SLC17A6: variants seen among roughly 807,000 people sequenced by gnomAD.
The protein encoded by SLC17A6 is vesicular glutamate transporter 2.
In SLC17A6, 35 loss-of-function variants were observed where a neutral mutation model predicts 67.1. The observed-to-expected ratio is 0.52, with a 90% CI of 0.40 to 0.69. The LOEUF (loss-of-function observed/expected upper bound fraction) is 0.69, where lower values mean the gene tolerates loss of function less well. Ranked by LOEUF, SLC17A6 falls within the 30% of genes least tolerant of loss-of-function variation. The probability of loss-of-function intolerance (pLI) is 0.00; values close to 1 mark genes in which losing one functional copy is unlikely to be tolerated. For missense variants in SLC17A6, 588 were observed against 723.9 expected (o/e 0.81, Z 2.15); for synonymous variants, 285 against 252.3 (o/e 1.13, Z -1.23).
In SLC17A6 at chr11:22,339,176, ATGTTT is replaced by A. The variant is rs1258250620; in HGVS notation, c.86+559_86+563del. 4.1e-4 allele frequency among the ~76,000 whole-genome samples: 23 copies of A among 55,498 alleles called. 1 individual carries two copies. The highest frequency in any genetic ancestry group is 7.2e-4 in the South Asian group (1 of 1,384). The allele number at this position is 55,498 out of a possible 152,430, so 36.4% of individuals were successfully genotyped here. A position where few individuals can be genotyped will look rare whatever the true frequency, so the allele number is the denominator to read the frequency against. ...AGTTATATATATATGTTATATATATATGTTTTATATATATATATATATATATATGT... is the reference window on the plus strand; with the variant it reads ...AGTTATATATATATGTTATATATATATATATATATATATATATATATATGT... On this transcript the variant is annotated intron_variant, in intron 1 of 11. Coordinates refer to ENST00000263160, the MANE Select transcript of SLC17A6 (RefSeq NM_020346.3).
At chr11:22,360,193 G>A (rs1009530778) in intron 4 of SLC17A6, among the ~76,000 whole-genome samples, 1 of 151,846 alleles carries the variant, frequency 6.6e-6, no homozygotes, top group African/African-American at 2.4e-5. Flanking sequence ...AGATGGAGCT[G>A]GAAGCCATTA....
intron 1 of SLC17A6, among the ~76,000 whole-genome samples, chr11:22,340,330 T>G (rs1374566939): frequency 6.6e-6 from 1 of 152,276 alleles, no homozygotes; most frequent in African/African-American, 2.4e-5. Flanking sequence ...TGTTACCTTA[T>G]ACATTCCTTT....
chr11:22,352,610 G>A (rs901505577), intron 3 of SLC17A6, among the ~76,000 whole-genome samples: 5 of 152,210 alleles, frequency 3.3e-5, no homozygotes, highest in African/African-American at 1.2e-4. Flanking sequence ...GTTTAAAGAA[G>A]TGGAGACCTG....
At chr11:22,372,337 G>T (rs1376350697) in intron 8 of SLC17A6, among the ~76,000 whole-genome samples, 1 of 149,900 alleles carries the variant, frequency 6.7e-6, no homozygotes, top group Admixed American at 6.7e-5. Context: ...TATATATCAG[G>T]TAAATACTTT....
intron 6 of SLC17A6, among the ~76,000 whole-genome samples, chr11:22,365,142 C>T (rs889710863): frequency 3.3e-5 from 5 of 152,078 alleles, no homozygotes; most frequent in African/African-American, 4.8e-5. Flanking sequence ...TCTAGGCAGG[C>T]AATAAAGAAA....
rs746378447 is a variant in SLC17A6 at position 22,359,466 on chromosome 11, C to T, written c.512C>T (p.Ser171Leu). Residue 171 changes from serine (S) to leucine (L), a missense_variant, in exon 4 of 12, where the codon TCA (serine) becomes TTA (leucine). This residue lies in a region of SLC17A6 where 414 missense variants were observed against 563.4 expected (regional missense o/e 0.73). Transcript: ENST00000263160. Reference protein sequence around the residue: ...LTSTLNMLIPSAARVHYGCVI... With the variant: ...LTSTLNMLIPLAARVHYGCVI... ...TCTACCCTAAATATGCTAATTCCAT[C>T]AGCAGCCAGAGTGCATTATGGATGT... 1 of 1,604,702 alleles carries T rather than the reference C, an allele frequency of 6.2e-7. No homozygotes were observed. Among genetic ancestry groups the T allele is most frequent in the Non-Finnish European group, 8.5e-7 (1 of 1,175,090 alleles).
chr11:22,344,610 A>G (rs1855855170), intron 3 of SLC17A6, among the ~76,000 whole-genome samples: 1 of 152,186 alleles, frequency 6.6e-6, no homozygotes, highest in African/African-American at 2.4e-5. Flanking sequence ...TACTTGAAAT[A>G]CGGATGGCTG....
Position 22,378,029 on chromosome 11 carries a change from ACT to A in SLC17A6, c.*291_*292del. On this transcript the variant is annotated 3_prime_UTR_variant, in exon 12 of 12. Transcript: ENST00000263160. Reference sequence around the variant, plus strand: ...ACCCATTGGATTCATATGAGCTAAAACTCATCACTATTTACTAAAGCACAACA... The same window carrying A: ...ACCCATTGGATTCATATGAGCTAAAACATCACTATTTACTAAAGCACAACA... The A allele has an allele frequency of 2.4e-6, 1 of 416,698 alleles. No homozygotes were observed. The highest frequency in any genetic ancestry group is 4.2e-6 in the Non-Finnish European group (1 of 236,066). The allele number at this position is 416,698 out of a possible 1,614,324, so 25.8% of individuals were successfully genotyped here.
rs141006869 is a variant in SLC17A6, at chr11:22,378,848, A to C, written c.*1108A>C. ...CATTATATTAAAATGGTCTCTCTCT[A>C]TATATATCTGTATATCTTATACATG... On this transcript the variant is annotated 3_prime_UTR_variant, in exon 12 of 12. Transcript: ENST00000263160. 1.2e-4 allele frequency: 18 copies of C among 152,216 alleles called. No homozygotes were observed. The highest frequency in any genetic ancestry group is 3.9e-4 in the East Asian group (2 of 5,186). 9.4% of individuals were successfully genotyped at this position (152,216 alleles called of 1,614,324 possible). A position where few individuals can be genotyped will look rare whatever the true frequency, so the allele number is the denominator to read the frequency against.
At chr11:22,339,441 A>G (rs910721502) in intron 1 of SLC17A6, among the ~76,000 whole-genome samples, 1 of 151,994 alleles carries the variant, frequency 6.6e-6, no homozygotes, top group African/African-American at 2.4e-5. Context: ...AGCCATAAAT[A>G]TAACAAGCAA....
chr11:22,365,934 G>A (rs1030742730), intron 7 of SLC17A6, among the ~76,000 whole-genome samples: 2 of 151,966 alleles, frequency 1.3e-5, no homozygotes, highest in African/African-American at 4.8e-5. Context: ...AACTATGACT[G>A]CAAACCTAAA....
chr11:22,357,631 C>T (rs1856005871), intron 3 of SLC17A6, among the ~76,000 whole-genome samples: 1 of 152,086 alleles, frequency 6.6e-6, no homozygotes, highest in Admixed American at 6.6e-5. Flanking sequence ...CTCTCACCAG[C>T]TTATCACGAG....
intron 3 of SLC17A6, among the ~76,000 whole-genome samples, chr11:22,350,705 T>C (rs977866072): frequency 6.6e-6 from 1 of 152,216 alleles, no homozygotes; most frequent in Non-Finnish European, 1.5e-5. Flanking sequence ...CTCTGACTTA[T>C]ATTCACACCA....
chr11:22,349,620 A>G (rs1855915738), intron 3 of SLC17A6, among the ~76,000 whole-genome samples: 1 of 152,110 alleles, frequency 6.6e-6, no homozygotes, highest in African/African-American at 2.4e-5. Context: ...GAGAGACATG[A>G]TTTGAGGAAG....
intron 9 of SLC17A6, among the ~76,000 whole-genome samples, chr11:22,375,714 G>A (rs1028535925): frequency 6.6e-6 from 1 of 151,986 alleles, no homozygotes; most frequent in Non-Finnish European, 1.5e-5. Flanking sequence ...TCCTGACCTA[G>A]GGTGATCTGC....
At chr11:22,365,508 A>G in intron 6 of SLC17A6, 39 bp from the exon 7 acceptor site, 1 of 1,610,662 alleles carries the variant, frequency 6.2e-7, no homozygotes, top group Non-Finnish European at 8.5e-7. Context: ...ATCACTGTTA[A>G]ATGGAAGTGA....
intron 3 of SLC17A6, among the ~76,000 whole-genome samples, chr11:22,348,342 C>T (rs537300628): frequency 1.6e-4 from 25 of 152,246 alleles, no homozygotes; most frequent in African/African-American, 5.1e-4. Flanking sequence ...AAGCCTTTAG[C>T]GGGCCCAAGG....
intron 3 of SLC17A6, among the ~76,000 whole-genome samples, chr11:22,344,879 T>G (rs185624927): frequency 6.6e-6 from 1 of 152,190 alleles, no homozygotes. Flanking sequence ...ATATATAGTC[T>G]TCACTCATTT....
chr11:22,358,616 G>A (rs1856016247), intron 3 of SLC17A6, among the ~76,000 whole-genome samples: 1 of 152,202 alleles, frequency 6.6e-6, no homozygotes, highest in South Asian at 2.1e-4. Context: ...TTACAGGAGT[G>A]AGCCACTGCA....
Sources: gnomAD v4.1 joint callset for allele counts (sites outside exome capture counted in the v4.1 genomes callset) on GRCh38, gnomAD v4.1.1 for gene constraint, gnomAD v4.1.1 regional missense constraint, MANE v1.5 for transcripts, NCBI Gene and HGNC (gene_info 2026-07-23, HGNC 2026-07-21) for gene names.